HK1: variants seen among roughly 807,000 people sequenced by gnomAD.
The protein encoded by HK1 is hexokinase-1.
HK1 carries 28 observed loss-of-function variants against 91.6 expected under a neutral mutation model. The ratio of observed to expected loss-of-function variants is 0.31; its 90% confidence interval spans 0.23 to 0.42. The LOEUF (loss-of-function observed/expected upper bound fraction) is 0.42. Ranked by LOEUF, HK1 falls within the 10% of genes least tolerant of loss-of-function variation. HK1 has a pLI of 1.00. For missense variants in HK1, 770 were observed against 1,219.8 expected (o/e 0.63, Z 5.49); for synonymous variants, 430 against 468.1 (o/e 0.92, Z 1.05).
chr10:69,322,035 G>A (rs183723889), intron 1 of HK1, among the ~76,000 whole-genome samples: 3 of 152,324 alleles, frequency 2.0e-5, no homozygotes, highest in East Asian at 3.9e-4. Context: ...CTTTAAACAC[G>A]CATCTCATCT....
Position 69,384,617 on chromosome 10 carries a change from T to C in HK1, c.1719+136T>C, listed in dbSNP as rs943738416. ...GTGGCCCAGAAGCACCAGATGCTTT[T>C]TGCCATGCCTGGCTTGTGACACTCT... On this transcript the variant is annotated intron_variant, in intron 11 of 17. Coordinates refer to ENST00000359426, the MANE Select transcript of HK1 (RefSeq NM_000188.3). The C allele has an allele frequency of 2.2e-5, 31 of 1,421,648 alleles. 1 individual carries two copies. The Admixed American group carries it at 5.4e-4, about 25-fold the overall frequency. The allele number at this position is 1,421,648 out of a possible 1,614,324, so 88.1% of individuals were successfully genotyped here. A position where few individuals can be genotyped will look rare whatever the true frequency, so the allele number is the denominator to read the frequency against.
upstream of HK1, among the ~76,000 whole-genome samples, chr10:69,313,519 A>G (rs1846480005): frequency 6.6e-6 from 1 of 152,086 alleles, no homozygotes; most frequent in Non-Finnish European, 1.5e-5. Context: ...CTGGAGGGCA[A>G]TGGCGCAATC....
intron 3 of HK1, among the ~76,000 whole-genome samples, chr10:69,291,795 T>C (rs951977767): frequency 2.6e-5 from 4 of 152,158 alleles, no homozygotes; most frequent in African/African-American, 9.7e-5. Context: ...CATGGTCCAT[T>C]TGGTTTCTTT....
At chr10:69,359,286 G>A (rs1005914187) in intron 2 of HK1, among the ~76,000 whole-genome samples, 1 of 152,184 alleles carries the variant, frequency 6.6e-6, no homozygotes, top group Non-Finnish European at 1.5e-5. Flanking sequence ...TTGGGGTGAT[G>A]AAAAAGTTTT....
At chr10:69,301,893 C>G (rs561052877) in intron 5 of HK1, among the ~76,000 whole-genome samples, 1 of 151,974 alleles carries the variant, frequency 6.6e-6, no homozygotes, top group South Asian at 2.1e-4. Context: ...GAAGGGGTGC[C>G]GAATAGCCAA....
chr10:69,315,482 G>A (rs1469339906), upstream of HK1, among the ~76,000 whole-genome samples: 3 of 152,214 alleles, frequency 2.0e-5, no homozygotes, highest in Non-Finnish European at 4.4e-5. Flanking sequence ...GAAGGGAAGT[G>A]GAGGGCCATC....
intron 5 of HK1, among the ~76,000 whole-genome samples, chr10:69,305,579 G>A (rs1238988276): frequency 6.6e-6 from 1 of 152,104 alleles, no homozygotes; most frequent in Non-Finnish European, 1.5e-5. Context: ...AGAAGGCTGG[G>A]TGTGGTAGTT....
upstream of HK1, among the ~76,000 whole-genome samples, chr10:69,315,577 GATCT>G (rs1428126563): frequency 5.3e-5 from 8 of 152,188 alleles, no homozygotes; most frequent in African/African-American, 1.9e-4. Flanking sequence ...CCTTAGCAGG[GATCT>G]AAGAGCTATG....
chr10:69,286,905 C>A (rs1244844017), intron 2 of HK1, among the ~76,000 whole-genome samples: 1 of 152,156 alleles, frequency 6.6e-6, no homozygotes, highest in Non-Finnish European at 1.5e-5. Context: ...GTCGAGGAAG[C>A]TCATAGAGAA....
intron 11 of HK1, 22 bp from the exon 12 acceptor site, chr10:69,384,774 G>A (rs936903845): frequency 5.0e-6 from 8 of 1,614,102 alleles, no homozygotes; most frequent in East Asian, 2.2e-5. Context: ...GAGCACGGGC[G>A]ATCCTTTCTT....
chr10:69,363,540 G>A (rs1273499527), intron 3 of HK1, among the ~76,000 whole-genome samples: 1 of 152,134 alleles, frequency 6.6e-6, no homozygotes, highest in Non-Finnish European at 1.5e-5. Context: ...CAGCATGCCT[G>A]GCTAATTTTT....
At chr10:69,390,472 G>C (rs888497467) in intron 14 of HK1, among the ~76,000 whole-genome samples, 2 of 152,186 alleles carry the variant, frequency 1.3e-5, no homozygotes, top group Admixed American at 6.5e-5. Context: ...CCATGTTTTG[G>C]CTTTCTTTGC....
upstream of HK1, among the ~76,000 whole-genome samples, chr10:69,316,804 G>A (rs983438537): frequency 2.6e-5 from 4 of 152,254 alleles, no homozygotes; most frequent in African/African-American, 4.8e-5. Flanking sequence ...CTGCGCTTGT[G>A]TAGGAGACAG....
At chr10:69,280,592 C>T (rs906347272) in intron 1 of HK1, among the ~76,000 whole-genome samples, 2 of 152,160 alleles carry the variant, frequency 1.3e-5, no homozygotes, top group Admixed American at 6.5e-5. Context: ...GGAGCCCTCA[C>T]GAATGTGATT....
Position 69,360,021 on chromosome 10 carries a change from C to T in HK1, c.351C>T (p.Asn117=), listed in dbSNP as rs955792630. The T allele has an allele frequency of 1.2e-6, 2 of 1,614,034 alleles. No individual in the cohort carries two copies. Among genetic ancestry groups the T allele is most frequent in the East Asian group, 2.2e-5 (1 of 44,892 alleles). The change falls in exon 3 of 18, where the codon AAC becomes AAT. Residue 117 remains asparagine, a synonymous_variant. Coordinates refer to ENST00000359426, the MANE Select transcript of HK1 (RefSeq NM_000188.3). ...CCGAGGTTTATGACACCCCAGAGAA[C>T]ATCGTGCACGGCAGTGGAAGCCAGG... is the stretch of plus-strand genomic sequence containing the variant. ...MESEVYDTPE[N]IVHGSGSQLF... is the part of the protein sequence containing the mutation.
At chr10:69,326,196 G>T (rs1384760805) in intron 1 of HK1, among the ~76,000 whole-genome samples, 1 of 151,294 alleles carries the variant, frequency 6.6e-6, no homozygotes, top group East Asian at 1.9e-4. Context: ...TGAGTGTCAT[G>T]TCGGGTATGA....
chr10:69,345,906 C>T (rs1182742844), intron 2 of HK1, among the ~76,000 whole-genome samples: 1 of 152,122 alleles, frequency 6.6e-6, no homozygotes, highest in African/African-American at 2.4e-5. Flanking sequence ...TTTTTCACCC[C>T]CTTTTAGAGA....
rs187746014 is a variant in HK1, at chr10:69,393,288, T to G, written c.2219+980T>G. Among the ~76,000 whole-genome samples the G allele has an allele frequency of 3.7e-3, 553 of 149,526 alleles. 3 individuals carry two copies. The highest frequency in any genetic ancestry group is 0.013 in the African/African-American group (509 of 40,622). ...GAGCCACCGCAACCAGCCCTTATAGTCTTTTTCTTTTCTTTTCTTTTCTTT... is the reference window on the plus strand; with the variant it reads ...GAGCCACCGCAACCAGCCCTTATAGGCTTTTTCTTTTCTTTTCTTTTCTTT... On this transcript the variant is annotated intron_variant, in intron 15 of 17. Transcript: ENST00000359426.
chr10:69,309,440 T>G lies in HK1; in HGVS notation c.27+8579T>G, dbSNP rs111349921. 8.1e-5 allele frequency among the ~76,000 whole-genome samples: 10 copies of G among 123,652 alleles called. No homozygotes were observed. In the East Asian group the frequency reaches 2.9e-3, roughly 36 times the overall value. The allele number at this position is 123,652 out of a possible 152,430, so 81.1% of individuals were successfully genotyped here. On this transcript the variant is annotated intron_variant, in intron 5 of 21. Transcript: ENST00000360289. ...TTGTGATCCGCCTGCCTCGGCCTCC[T>G]AAAGTGCTGGGATTACAGGTGTGAG... is the stretch of plus-strand genomic sequence containing the variant.
Sources: gnomAD v4.1 joint callset for allele counts (sites outside exome capture counted in the v4.1 genomes callset) on GRCh38, gnomAD v4.1.1 for gene constraint, MANE v1.5 for transcripts, NCBI Gene and HGNC (gene_info 2026-07-23, HGNC 2026-07-21) for gene names.